Variants in TENM3 observed in about 807,000 individuals in gnomAD.
TENM3 encodes the protein teneurin transmembrane protein 3, also known as teneurin-3.
Under a neutral mutation model 255.1 loss-of-function variants are expected in TENM3, and 63 were observed. That is an observed-to-expected ratio of 0.25 (90% confidence interval 0.20 to 0.30). The LOEUF is 0.30. Ranked by LOEUF, TENM3 falls within the 10% of genes least tolerant of loss-of-function variation. TENM3 has a pLI of 1.00. For synonymous variants in TENM3, 1,306 were observed against 1,322.3 expected (o/e 0.99, Z 0.27); for missense variants, 2,929 against 3,461.1 (o/e 0.85, Z 3.86).
chr4:181,518,066 T>A, the TENM3 span, among the ~76,000 whole-genome samples: 1 of 152,196 alleles, frequency 6.6e-6, no homozygotes, highest in African/African-American at 2.4e-5. Context: ...TAAAGTGACA[T>A]GGGAGTGGCA....
chr4:182,356,878 C>T (rs1340322527), intron 3 of TENM3, among the ~76,000 whole-genome samples: 1 of 124,160 alleles, frequency 8.1e-6, no homozygotes, highest in African/African-American at 3.0e-5. Flanking sequence ...TCCCCCCACC[C>T]CACAACAGTC....
At chr4:182,295,803 G>A (rs1377969348) in intron 1 of TENM3, among the ~76,000 whole-genome samples, 2 of 152,006 alleles carry the variant, frequency 1.3e-5, no homozygotes, top group Non-Finnish European at 2.9e-5. Context: ...TTTGACATCT[G>A]GATAACGCAT....
At chr4:182,568,916 A>G (rs1744068065) in intron 3 of TENM3, among the ~76,000 whole-genome samples, 1 of 152,244 alleles carries the variant, frequency 6.6e-6, no homozygotes, top group Admixed American at 6.5e-5. Flanking sequence ...ACTTGAATAC[A>G]TAAAATCCAA....
intron 13 of TENM3, among the ~76,000 whole-genome samples, chr4:182,717,389 C>T (rs1759285909): frequency 6.6e-6 from 1 of 152,190 alleles, no homozygotes; most frequent in Non-Finnish European, 1.5e-5. Context: ...CCAATAGGTC[C>T]TTGTTTCCTT....
the TENM3 span, among the ~76,000 whole-genome samples, chr4:181,995,528 C>T: frequency 6.6e-6 from 1 of 152,020 alleles, no homozygotes; most frequent in Admixed American, 6.6e-5. Flanking sequence ...TTGCAAAAGG[C>T]ATTTACATGG....
chr4:181,767,204 A>G, the TENM3 span, among the ~76,000 whole-genome samples: 105,020 of 144,988 alleles, frequency 0.72, 38,309 homozygotes, highest in East Asian at 0.84. Context: ...GTGAGCCGAG[A>G]AGGTGCCACT....
intron 1 of TENM3, among the ~76,000 whole-genome samples, chr4:182,184,942 G>C (rs370449434): frequency 2.6e-5 from 4 of 152,042 alleles, no homozygotes; most frequent in Admixed American, 2.6e-4. Context: ...AAATAGCTGG[G>C]CATGGTGGTG....
chr4:182,669,280 G>GTTTTTA (rs1754994875), intron 6 of TENM3, among the ~76,000 whole-genome samples: 1 of 151,566 alleles, frequency 6.6e-6, no homozygotes. Flanking sequence ...TTTTGTTTTT[G>GTTTTTA]TTTTTGTGAG....
intron 3 of TENM3, among the ~76,000 whole-genome samples, chr4:182,488,271 T>C (rs1003536399): frequency 4.6e-5 from 7 of 152,090 alleles, no homozygotes; most frequent in Non-Finnish European, 8.8e-5. Flanking sequence ...GCATAGTGGC[T>C]GTCCAAATCG....
chr4:181,544,360 C>T, the TENM3 span, among the ~76,000 whole-genome samples: 5 of 128,178 alleles, frequency 3.9e-5, no homozygotes, highest in South Asian at 2.5e-4. Flanking sequence ...TTTTAAAATA[C>T]GGTCTTTTGC....
the TENM3 span, among the ~76,000 whole-genome samples, chr4:181,626,274 G>A: frequency 1.7e-3 from 266 of 152,308 alleles, no homozygotes; most frequent in African/African-American, 5.9e-3. Context: ...AGGCCAGTGT[G>A]GCTGGAGGGC....
chr4:182,697,392 C>T (rs780889036), intron 12 of TENM3, among the ~76,000 whole-genome samples: 26 of 152,278 alleles, frequency 1.7e-4, no homozygotes, highest in Non-Finnish European at 3.2e-4. Context: ...GGAGATTCTC[C>T]TAAACTGACC....
chr4:181,587,954 G>A, the TENM3 span, among the ~76,000 whole-genome samples: 1,135 of 152,232 alleles, frequency 7.5e-3, 11 homozygotes, highest in Middle Eastern at 0.024. Flanking sequence ...GTTCTTAGCC[G>A]TCCTGAGATG....
the TENM3 span, among the ~76,000 whole-genome samples, chr4:181,826,888 G>A: frequency 0.083 from 12,601 of 152,098 alleles, 1,126 homozygotes; most frequent in East Asian, 0.52. Flanking sequence ...TCTGTTGTTC[G>A]TCCCCACTGA....
intron 1 of TENM3, among the ~76,000 whole-genome samples, chr4:182,258,722 T>G (rs532576906): frequency 6.6e-6 from 1 of 152,338 alleles, no homozygotes; most frequent in East Asian, 1.9e-4. Context: ...ACAACCATCT[T>G]ACAAAATCAT....
At chr4:181,690,906 C>T in the TENM3 span, among the ~76,000 whole-genome samples, 1 of 149,442 alleles carries the variant, frequency 6.7e-6, no homozygotes. Context: ...ACCATATAGA[C>T]CTTTTGTGAC....
the TENM3 span, among the ~76,000 whole-genome samples, chr4:181,966,502 A>G: frequency 6.6e-6 from 1 of 152,194 alleles, no homozygotes; most frequent in Non-Finnish European, 1.5e-5. Context: ...AGAAGGCTGA[A>G]AAATCCATTC....
At chr4:182,501,760 C>G (rs772015431) in intron 3 of TENM3, among the ~76,000 whole-genome samples, 5 of 152,120 alleles carry the variant, frequency 3.3e-5, no homozygotes, top group Non-Finnish European at 7.4e-5. Flanking sequence ...TACTTTTCTC[C>G]ATTCTGGCGA....
the TENM3 span, among the ~76,000 whole-genome samples, chr4:181,930,821 T>A: frequency 6.6e-6 from 1 of 152,140 alleles, no homozygotes. Context: ...TCCACCATGA[T>A]CCCGTCAGCT....
Sources: gnomAD v4.1 joint callset for allele counts (sites outside exome capture counted in the v4.1 genomes callset) on GRCh38, gnomAD v4.1.1 for gene constraint, MANE v1.5 for transcripts, NCBI Gene and HGNC (gene_info 2026-07-23, HGNC 2026-07-21) for gene names.